NKAIN2: variants seen among roughly 807,000 people sequenced by gnomAD.
NKAIN2 encodes sodium/potassium-transporting ATPase subunit beta-1-interacting protein 2.
Under a neutral mutation model 32.6 loss-of-function variants are expected in NKAIN2, and 14 were observed. The observed-to-expected ratio is 0.43, with a 90% confidence interval of 0.28 to 0.67. NKAIN2 has a LOEUF of 0.67. NKAIN2 is among the 30% of genes least tolerant of loss of function. NKAIN2 has a pLI of 0.17. For synonymous variants in NKAIN2, 80 were observed against 87.2 expected, an observed-to-expected ratio of 0.92 and a Z score of 0.46; for missense variants, 198 against 258.3, an observed-to-expected ratio of 0.77 and a Z score of 1.60.
In NKAIN2 at chr6:124,823,338, C is replaced by T. The variant is rs558946947; in HGVS notation, c.*109C>T. ...AAGCAACTGAGTTTAAATACATACA[C>T]GTATTAACAAAACAAATGCAAAGCC... On this transcript the variant is annotated 3_prime_UTR_variant, in exon 7 of 7. Transcript: ENST00000368417. The T allele has an allele frequency of 1.5e-5, 12 of 799,188 alleles. No homozygotes were observed. The highest frequency in any genetic ancestry group is 2.5e-5 in the Non-Finnish European group (11 of 442,250). 49.5% of individuals were successfully genotyped at this position (799,188 alleles called of 1,614,324 possible).
intron 3 of NKAIN2, among the ~76,000 whole-genome samples, chr6:124,509,471 C>A (rs1778626904): frequency 6.6e-6 from 1 of 152,150 alleles, no homozygotes; most frequent in Non-Finnish European, 1.5e-5. Context: ...CATCGTTGGG[C>A]TAATGTAAAT....
chr6:124,325,552 A>G (rs917769615), intron 2 of NKAIN2, among the ~76,000 whole-genome samples: 2 of 152,206 alleles, frequency 1.3e-5, no homozygotes, highest in Non-Finnish European at 2.9e-5. Context: ...TTCATAAAAA[A>G]TAATACAATA....
At chr6:124,101,834 G>T (rs1283233475) in intron 1 of NKAIN2, among the ~76,000 whole-genome samples, 1 of 152,142 alleles carries the variant, frequency 6.6e-6, no homozygotes, top group East Asian at 1.9e-4. Flanking sequence ...ACAGAAACCT[G>T]CTCAGTGAGG....
intron 3 of NKAIN2, among the ~76,000 whole-genome samples, chr6:124,598,516 A>C (rs951288937): frequency 5.9e-5 from 9 of 152,102 alleles, no homozygotes; most frequent in African/African-American, 2.2e-4. Flanking sequence ...TGGGTCTTAA[A>C]GTTTCTGCTG....
chr6:124,312,250 C>A (rs946218738), intron 2 of NKAIN2, among the ~76,000 whole-genome samples: 2 of 152,158 alleles, frequency 1.3e-5, no homozygotes, highest in African/African-American at 4.8e-5. Context: ...TTTCTCCCCA[C>A]CAGCAAGCAA....
chr6:123,913,195 C>T (rs923574832), intron 1 of NKAIN2, among the ~76,000 whole-genome samples: 4 of 151,878 alleles, frequency 2.6e-5, no homozygotes, highest in Non-Finnish European at 5.9e-5. Context: ...CCTAACATGC[C>T]AAGAGTGATT....
At chr6:124,214,206 A>G (rs868425071) in intron 1 of NKAIN2, among the ~76,000 whole-genome samples, 1 of 152,180 alleles carries the variant, frequency 6.6e-6, no homozygotes, top group South Asian at 2.1e-4. Context: ...GTGGACTTCG[A>G]AAGAGATTAA....
At chr6:124,230,718 C>G (rs2114733561) in intron 1 of NKAIN2, among the ~76,000 whole-genome samples, 1 of 152,270 alleles carries the variant, frequency 6.6e-6, no homozygotes, top group African/African-American at 2.4e-5. Flanking sequence ...CATGCGGGTG[C>G]ACCGAAGTTA....
chr6:124,192,376 T>C (rs1790062636), intron 1 of NKAIN2, among the ~76,000 whole-genome samples: 1 of 152,212 alleles, frequency 6.6e-6, no homozygotes, highest in Non-Finnish European at 1.5e-5. Context: ...TGGCATGTTA[T>C]TTACAAATAA....
chr6:124,492,519 T>C (rs1353257074), intron 3 of NKAIN2, among the ~76,000 whole-genome samples: 2 of 151,898 alleles, frequency 1.3e-5, no homozygotes, highest in African/African-American at 2.4e-5. Flanking sequence ...AAATAGTGTC[T>C]CTTAGATAAT....
At chr6:124,640,263 A>G (rs942650303) in intron 3 of NKAIN2, among the ~76,000 whole-genome samples, 1 of 152,196 alleles carries the variant, frequency 6.6e-6, no homozygotes, top group Non-Finnish European at 1.5e-5. Context: ...TGAGGAGGAC[A>G]TTGCCTTGTT....
At chr6:124,256,894 T>G (rs1793970619) in intron 1 of NKAIN2, among the ~76,000 whole-genome samples, 4 of 147,396 alleles carry the variant, frequency 2.7e-5, no homozygotes. Flanking sequence ...TGTTTTTTTT[T>G]TTTTTTTTTT....
intron 2 of NKAIN2, among the ~76,000 whole-genome samples, chr6:124,318,062 C>A (rs550343124): frequency 3.7e-4 from 57 of 152,078 alleles, no homozygotes; most frequent in African/African-American, 1.3e-3. Flanking sequence ...AAGTATAAAT[C>A]ATTTCTATTC....
At chr6:124,074,451 T>C (rs1267219613) in intron 1 of NKAIN2, among the ~76,000 whole-genome samples, 1 of 152,168 alleles carries the variant, frequency 6.6e-6, no homozygotes, top group East Asian at 1.9e-4. Flanking sequence ...ATCAGGCTTT[T>C]TCAAGGACAG....
intron 3 of NKAIN2, among the ~76,000 whole-genome samples, chr6:124,360,020 A>G (rs1053134837): frequency 1.5e-4 from 23 of 152,174 alleles, no homozygotes; most frequent in Admixed American, 4.6e-4. Context: ...TTCTGCATCT[A>G]TTGAGATAAT....
intron 3 of NKAIN2, among the ~76,000 whole-genome samples, chr6:124,559,062 G>A (rs894702437): frequency 2.6e-5 from 4 of 152,282 alleles, no homozygotes; most frequent in South Asian, 2.1e-4. Flanking sequence ...GAAAGCCAGT[G>A]TATACCAGGT....
At chr6:124,155,991 CCCATTATACCT>C (rs1227167787) in intron 1 of NKAIN2, among the ~76,000 whole-genome samples, 2 of 151,478 alleles carry the variant, frequency 1.3e-5, no homozygotes, top group East Asian at 3.9e-4. Context: ...GATACTAGGC[CCCATTATACCT>C]CCACCTTACA....
intron 1 of NKAIN2, among the ~76,000 whole-genome samples, chr6:123,955,196 CAAAA>C (rs5879708): frequency 2.5e-4 from 26 of 105,052 alleles, no homozygotes; most frequent in African/African-American, 7.6e-4. Flanking sequence ...ACAGAAAAAC[CAAAA>C]AAAAAAAAAA....
At chr6:124,151,493 C>T (rs1244661779) in intron 1 of NKAIN2, among the ~76,000 whole-genome samples, 1 of 151,958 alleles carries the variant, frequency 6.6e-6, no homozygotes, top group Non-Finnish European at 1.5e-5. Flanking sequence ...ACTTACGTGT[C>T]TGTCTTTTGG....
Sources: allele counts gnomAD v4.1 joint callset (sites outside exome capture counted in the v4.1 genomes callset), GRCh38; gene constraint gnomAD v4.1.1; transcripts MANE v1.5; gene names NCBI Gene and HGNC (gene_info 2026-07-23, HGNC 2026-07-21).